TRAPPC8: variants seen among roughly 807,000 people sequenced by gnomAD.
TRAPPC8 encodes the protein trafficking protein particle complex subunit 8.
TRAPPC8 carries 54 observed loss-of-function variants against 174.3 expected under a neutral mutation model. The ratio of observed to expected loss-of-function variants is 0.31; its 90% CI spans 0.25 to 0.39. The LOEUF (loss-of-function observed/expected upper bound fraction) is 0.39. Among genes scored for constraint, TRAPPC8 ranks in the 10% least tolerant of loss-of-function variants. The pLI, the probability that TRAPPC8 is intolerant of heterozygous loss-of-function variation, is 1.00. For missense variants in TRAPPC8, 1,531 were observed against 1,699.1 expected (o/e 0.90, Z 1.74); for synonymous variants, 630 against 579.9 (o/e 1.09, Z -1.24).
intron 1 of TRAPPC8, among the ~76,000 whole-genome samples, chr18:31,937,334 C>T (rs1258742246): frequency 6.6e-6 from 1 of 152,102 alleles, no homozygotes; most frequent in East Asian, 1.9e-4. Flanking sequence ...AGTTTGAGAC[C>T]GGCTGGGCAG....
At chr18:31,904,291 T>A (rs1368061527) in intron 9 of TRAPPC8, among the ~76,000 whole-genome samples, 1 of 151,450 alleles carries the variant, frequency 6.6e-6, no homozygotes, top group African/African-American at 2.4e-5. Context: ...GGCTCACGCC[T>A]GTAATCCCAA....
Position 31,830,720 on chromosome 18 carries a change from G to A in TRAPPC8, c.*35C>T. On this transcript the variant is annotated 3_prime_UTR_variant, in exon 29 of 29. Transcript: ENST00000283351. ...CTGTAAAACCCATCCAGCAAAAACT[G>A]ATTATTGTGGATTTCAGTACAAATT... The A allele has an allele frequency of 1.3e-6, 2 of 1,581,200 alleles. No homozygotes were observed. The highest frequency in any genetic ancestry group is 1.7e-6 in the Non-Finnish European group (2 of 1,156,128).
chr18:31,832,858 C>T (rs1020479469), intron 27 of TRAPPC8, among the ~76,000 whole-genome samples: 2 of 152,124 alleles, frequency 1.3e-5, no homozygotes, highest in Non-Finnish European at 1.5e-5. Flanking sequence ...ATACTATTAT[C>T]TACCTTTTAC....
At chr18:31,838,412 A>AC (rs1215346158) in intron 27 of TRAPPC8, among the ~76,000 whole-genome samples, 1 of 152,180 alleles carries the variant, frequency 6.6e-6, no homozygotes, top group African/African-American at 2.4e-5. Flanking sequence ...CATGTATCTT[A>AC]TCTTTCCATC....
chr18:31,829,868 C>T lies in TRAPPC8; in HGVS notation c.*887G>A, dbSNP rs1371908318. On this transcript the variant is annotated 3_prime_UTR_variant, in exon 29 of 29. Coordinates refer to ENST00000283351, the MANE Select transcript of TRAPPC8 (RefSeq NM_014939.5). ...AGGGCTGAATTGAAATTTCTTATGT[C>T]CAAATGCCCATTCTCTGAATAAAAA... 1 of 152,570 alleles carries T rather than the reference C, an allele frequency of 6.6e-6. No individual in the cohort carries two copies. Among genetic ancestry groups the T allele is most frequent in the Non-Finnish European group, 1.5e-5 (1 of 68,042 alleles). The allele number at this position is 152,570 out of a possible 1,614,324, so 9.5% of individuals were successfully genotyped here.
intron 28 of TRAPPC8, among the ~76,000 whole-genome samples, chr18:31,831,283 G>A (rs1033878819): frequency 1.3e-4 from 20 of 152,134 alleles, no homozygotes; most frequent in Non-Finnish European, 2.6e-4. Flanking sequence ...CCTGGGAGGC[G>A]GAGGTTGCAG....
rs969033878 is a variant in TRAPPC8 at position 31,942,956 on chromosome 18, C to G, written c.-192G>C. ...TCTGGGGCACAATCCACTGACCCCC[C>G]CCTTCCCGTCACCGCCGCTTCTCAG... is the stretch of plus-strand genomic sequence containing the variant. On this transcript the variant is annotated 5_prime_UTR_variant, in exon 1 of 29. Coordinates refer to ENST00000283351, the MANE Select transcript of TRAPPC8 (RefSeq NM_014939.5). 225 of 1,146,494 alleles carry G rather than the reference C, an allele frequency of 2.0e-4. No homozygotes were observed. Among genetic ancestry groups the G allele is most frequent in the Non-Finnish European group, 2.3e-4 (213 of 908,354 alleles). 71.0% of individuals were successfully genotyped at this position (1,146,494 alleles called of 1,614,324 possible).
chr18:31,930,117 A>G (rs1265306283), intron 2 of TRAPPC8, among the ~76,000 whole-genome samples: 1 of 151,334 alleles, frequency 6.6e-6, no homozygotes, highest in Non-Finnish European at 1.5e-5. Context: ...TATGTTTAGG[A>G]AAAACTTTTT....
intron 26 of TRAPPC8, among the ~76,000 whole-genome samples, chr18:31,839,835 C>T (rs1036289022): frequency 6.6e-6 from 1 of 152,170 alleles, no homozygotes. Context: ...TAATACTGCA[C>T]AGGACTTAGG....
At chr18:31,863,282 T>C (rs1391582397) in intron 19 of TRAPPC8, among the ~76,000 whole-genome samples, 1 of 152,220 alleles carries the variant, frequency 6.6e-6, no homozygotes, top group Non-Finnish European at 1.5e-5. Flanking sequence ...AAGTGCAATT[T>C]ACTATAGTTT....
chr18:31,883,200 G>T (rs1420120297), intron 12 of TRAPPC8: 1 of 148,672 alleles, frequency 6.7e-6, no homozygotes, highest in Non-Finnish European at 1.5e-5. Flanking sequence ...TCCAGCCTGG[G>T]TGACAGAGAA....
chr18:31,925,035 T>C (rs2037553481), intron 2 of TRAPPC8, among the ~76,000 whole-genome samples: 1 of 151,644 alleles, frequency 6.6e-6, no homozygotes, highest in Non-Finnish European at 1.5e-5. Context: ...AGAAAAAAAC[T>C]ATAAGTAATA....
At chr18:31,897,105 G>A (rs1191394854) in intron 11 of TRAPPC8, among the ~76,000 whole-genome samples, 3 of 152,132 alleles carry the variant, frequency 2.0e-5, no homozygotes, top group Non-Finnish European at 4.4e-5. Context: ...AACATTTAAG[G>A]AGCAAACAAA....
chr18:31,850,366 T>G (rs2033647400), intron 24 of TRAPPC8, among the ~76,000 whole-genome samples: 1 of 152,064 alleles, frequency 6.6e-6, no homozygotes, highest in South Asian at 2.1e-4. Flanking sequence ...ACCAAGAAAA[T>G]AAAAATAAAA....
chr18:31,866,761 T>C, intron 18 of TRAPPC8, 88 bp downstream of exon 18: 3 of 1,470,892 alleles, frequency 2.0e-6, no homozygotes, highest in South Asian at 1.3e-5. Flanking sequence ...ATTAAACCTA[T>C]TTAGAAAATA....
In TRAPPC8 at chr18:31,901,528, A is replaced by G. The variant is rs549763092; in HGVS notation, c.1390-503T>C. Reference sequence around the variant, plus strand: ...TGTTTTGGGATGTGTTTTTCCTGAAAGAACATGGGGAATACAGAGATCAAA... The same window carrying G: ...TGTTTTGGGATGTGTTTTTCCTGAAGGAACATGGGGAATACAGAGATCAAA... On this transcript the variant is annotated intron_variant, in intron 9 of 28. Coordinates refer to ENST00000283351, the MANE Select transcript of TRAPPC8 (RefSeq NM_014939.5). Among the ~76,000 whole-genome samples, 5 of 152,332 alleles carry G rather than the reference A, an allele frequency of 3.3e-5. No homozygotes were observed. In the South Asian group the frequency reaches 1.0e-3, roughly 32 times the overall value.
rs144396654 is a variant in TRAPPC8, at chr18:31,830,762, T to C, written c.4301A>G (p.Asn1434Ser). The C allele has an allele frequency of 5.6e-6, 9 of 1,612,966 alleles. No individual in the cohort carries two copies. Among genetic ancestry groups the C allele is most frequent in the Non-Finnish European group, 7.6e-6 (9 of 1,179,350 alleles). The change falls in exon 29 of 29, where the codon AAT becomes AGT. Residue 1434 changes from asparagine to serine, a missense_variant. By Grantham distance (46) the Asn-to-Ser change is conservative. Transcript: ENST00000283351. ...GTACAAATTTCCAAGTTGTCACACA[T>C]TACTGATGATGATCAGGGCAGGCAT... ...NSMPALIIISNV is the reference protein window; with the variant it reads ...NSMPALIIISSV
rs2035095392 is a variant in TRAPPC8 at position 31,875,420 on chromosome 18, GC to G, written c.1729-717del. The stretch of plus-strand genomic sequence containing the variant: ...CAACCATGCTGATCCCAGCCTGCCT[GC>G]CTGCCTGCCTGCCTGCCAGAACTCA... On this transcript the variant is annotated intron_variant, in intron 12 of 28. Coordinates refer to ENST00000283351, the MANE Select transcript of TRAPPC8 (RefSeq NM_014939.5). Among the ~76,000 whole-genome samples the G allele has an allele frequency of 7.2e-5, 11 of 151,818 alleles. No homozygotes were observed. In the South Asian group the frequency reaches 2.1e-3, roughly 29 times the overall value.
chr18:31,919,598 A>T (rs2037300703), intron 2 of TRAPPC8, among the ~76,000 whole-genome samples: 1 of 146,164 alleles, frequency 6.8e-6, no homozygotes. Context: ...ATAAAATAAT[A>T]ATAATCCTAA....
Sources: gnomAD v4.1 joint callset for allele counts (sites outside exome capture counted in the v4.1 genomes callset) on GRCh38, gnomAD v4.1.1 for gene constraint, MANE v1.5 for transcripts, NCBI Gene and HGNC (gene_info 2026-07-23, HGNC 2026-07-21) for gene names.